Variants in ERCC5 observed in about 807,000 individuals in gnomAD.
ERCC5 encodes the protein ERCC excision repair 5, endonuclease, also known as DNA excision repair protein ERCC-5.
In ERCC5, 68 loss-of-function variants were observed where a neutral mutation model predicts 105.6. The ratio of observed to expected loss-of-function variants is 0.64; its 90% CI spans 0.53 to 0.79. The LOEUF is 0.79. ERCC5 is among the 30% of genes least tolerant of loss of function. The pLI is 0.00. For synonymous variants in ERCC5, 546 were observed against 526.2 expected (o/e 1.04, Z -0.51); for missense variants, 1,373 against 1,426.7 (o/e 0.96, Z 0.61).
chr13:102,858,493 A>C, intron 6 of ERCC5, 75 bp downstream of exon 6: 1 of 1,600,096 alleles, frequency 6.2e-7, no homozygotes, highest in Non-Finnish European at 8.6e-7. Flanking sequence ...AGAAGAGAAA[A>C]TTGATAAGCA....
At chr13:102,864,126 C>CCACAGACA (rs1032920813) in intron 8 of ERCC5, among the ~76,000 whole-genome samples, 22 of 140,976 alleles carry the variant, frequency 1.6e-4, no homozygotes, top group African/African-American at 5.9e-4. Context: ...AGAGAATCAA[C>CCACAGACA]CACACACACA....
At chr13:102,866,435 AAT>A in intron 10 of ERCC5, 54 bp downstream of exon 10, 5 of 1,613,546 alleles carry the variant, frequency 3.1e-6, no homozygotes, top group Non-Finnish European at 3.4e-6. Context: ...CCCCTGGGGG[AAT>A]GCACTGCATG....
At position 102,865,521 on chromosome 13, in the gene ERCC5, G is replaced by T. The variant is rs925289136; in HGVS notation, c.1955-146G>T. 2 of 1,091,592 alleles carry T rather than the reference G, an allele frequency of 1.8e-6. No homozygotes were observed. Among genetic ancestry groups the T allele is most frequent in the Non-Finnish European group, 1.3e-6 (1 of 761,280 alleles). 67.6% of individuals were successfully genotyped at this position (1,091,592 alleles called of 1,614,324 possible). A position where few individuals can be genotyped will look rare whatever the true frequency, so the allele number is the denominator to read the frequency against. On this transcript the variant is annotated intron_variant, in intron 8 of 14. Transcript: ENST00000652225. The surrounding 1 kb of genome is among the most constrained non-coding windows in gnomAD (Gnocchi z 4.0). ...GTGATTACATTTATTTATTAATAAC[G>T]CTACTATTACATGTATTCTGTTATA...
At chr13:102,871,060 G>A (rs1463793357) in intron 12 of ERCC5, among the ~76,000 whole-genome samples, 1 of 152,202 alleles carries the variant, frequency 6.6e-6, no homozygotes, top group African/African-American at 2.4e-5. Context: ...GCCTGGTGGG[G>A]GTGTCTTGTC....
At chr13:102,853,993 A>G in intron 3 of ERCC5, 121 bp downstream of exon 3, 2 of 944,780 alleles carry the variant, frequency 2.1e-6, no homozygotes, top group Non-Finnish European at 3.2e-6. Context: ...AGAGAGTGAA[A>G]TGAGACAAGT....
In ERCC5 at chr13:102,865,897, C is replaced by A; in HGVS notation, c.2185C>A (p.Gln729Lys). The A allele has an allele frequency of 6.2e-7, 1 of 1,614,146 alleles. No homozygotes were observed. Among genetic ancestry groups the A allele is most frequent in the Non-Finnish European group, 8.5e-7 (1 of 1,180,038 alleles). The part of the protein sequence containing the change: ...KDAEDSLHEW[Q>K]DINLEELETL... ...TGCGGAAGATTCGCTCCATGAATGG[C>A]AAGATATTAATTTGGTAATACCGTA... is the stretch of plus-strand genomic sequence containing the variant. Residue 729 changes from glutamine to lysine, a missense_variant, in exon 9 of 15, where the codon CAA (glutamine) becomes AAA (lysine). Transcript: ENST00000652225. This position sits in a 1 kb window ranked among gnomAD's most constrained non-coding sequence, Gnocchi z 4.0.
intron 6 of ERCC5, among the ~76,000 whole-genome samples, chr13:102,860,860 C>T (rs1412017798): frequency 3.9e-5 from 6 of 152,166 alleles, no homozygotes; most frequent in Non-Finnish European, 8.8e-5. Flanking sequence ...CAGGACACTT[C>T]ACTTGCATAT....
chr13:102,849,299 C>T (rs144607821), intron 1 of ERCC5: 1 of 518,484 alleles, frequency 1.9e-6, no homozygotes, highest in African/African-American at 1.9e-5. Flanking sequence ...ATCTGTTCTT[C>T]ACATGTTCAT....
In ERCC5 at chr13:102,862,144, A is replaced by G; in HGVS notation, c.995A>G (p.Glu332Gly). The G allele has an allele frequency of 6.2e-7, 1 of 1,614,232 alleles. No homozygotes were observed. Among genetic ancestry groups the G allele is most frequent in the Middle Eastern group, 1.6e-4 (1 of 6,062 alleles). The change falls in exon 8 of 15, where the codon GAG (glutamate) becomes GGG (glycine). Residue 332 changes from glutamate (E) to glycine (G), a missense_variant. Physicochemically the swap from Glu to Gly is moderately conservative, Grantham distance 98. Transcript: ENST00000652225. ...KSSPCEKLKT[E>G]KEPDATPPSP... is the part of the protein sequence containing the mutation. ...TCTCCATGTGAAAAACTGAAGACAGAGAAAGAGCCTGATGCTACCCCTCCT... is the reference window on the plus strand; with the variant it reads ...TCTCCATGTGAAAAACTGAAGACAGGGAAAGAGCCTGATGCTACCCCTCCT...
rs4150292 is a variant in ERCC5, at chr13:102,857,422, A to C, written c.529-853A>C. Among the ~76,000 whole-genome samples the C allele has an allele frequency of 2.6e-3, 403 of 152,290 alleles. 2 individuals carry two copies. The highest frequency in any genetic ancestry group is 9.2e-3 in the African/African-American group (384 of 41,560). On this transcript the variant is annotated intron_variant, in intron 5 of 14. Transcript: ENST00000652225. ...TCCTGATGGGGGTGATGGGAGCATT[A>C]GTGAGGGAAAGCACAGGAAATGCTG...
intron 6 of ERCC5, chr13:102,858,764 G>A: frequency 2.4e-6 from 1 of 409,108 alleles, no homozygotes; most frequent in South Asian, 1.9e-5. Context: ...TTTTCACATG[G>A]TATGTGTCCA....
chr13:102,846,129 G>A lies in ERCC5; in HGVS notation c.-138G>A. On this transcript the variant is annotated 5_prime_UTR_variant, in exon 1 of 15. Transcript: ENST00000652225. ...GTGCCGTCCCCCACTGGAAAACCGT[G>A]GCTTCTGTATTATTTGCCATCTTTG... 1.5e-6 allele frequency: 1 copy of A among 673,002 alleles called. No individual in the cohort carries two copies. Among genetic ancestry groups the A allele is most frequent in the Non-Finnish European group, 2.6e-6 (1 of 384,270 alleles). The allele number at this position is 673,002 out of a possible 1,614,324, so 41.7% of individuals were successfully genotyped here. A position where few individuals can be genotyped will look rare whatever the true frequency, so the allele number is the denominator to read the frequency against.
intron 6 of ERCC5, among the ~76,000 whole-genome samples, chr13:102,861,135 C>T (rs1218719556): frequency 6.6e-6 from 1 of 151,922 alleles, no homozygotes; most frequent in Non-Finnish European, 1.5e-5. Context: ...ATTACAGGTG[C>T]CTGCCATCAC....
At chr13:102,847,668 TTTTTGTTTTG>T (rs748983939) in intron 1 of ERCC5, among the ~76,000 whole-genome samples, 1 of 152,086 alleles carries the variant, frequency 6.6e-6, no homozygotes, top group Non-Finnish European at 1.5e-5. Context: ...AGCCAAAGGA[TTTTTGTTTTG>T]TTTTGTTTTG....
intron 14 of ERCC5, among the ~76,000 whole-genome samples, chr13:102,874,045 G>A (rs1168867315): frequency 6.6e-6 from 1 of 152,152 alleles, no homozygotes; most frequent in East Asian, 1.9e-4. Context: ...GCATTTCTAT[G>A]AGTTTCTCTT....
At position 102,865,273 on chromosome 13, in the gene ERCC5, G is replaced by GC; in HGVS notation, c.1955-393dup. Reference sequence around the variant, plus strand: ...GAGGAAGAACTATTTCTTAGTCACAGCTTTATTCTGTGCTGTGTAAATAGC... The same window carrying GC: ...GAGGAAGAACTATTTCTTAGTCACAGCCTTTATTCTGTGCTGTGTAAATAGC... On this transcript the variant is annotated intron_variant, in intron 8 of 14. Transcript: ENST00000652225. The surrounding 1 kb of genome is among the most constrained non-coding windows in gnomAD (Gnocchi z 4.0). The GC allele has an allele frequency of 3.6e-6, 1 of 275,754 alleles. No individual in the cohort carries two copies. Among genetic ancestry groups the GC allele is most frequent in the Non-Finnish European group, 7.0e-6 (1 of 142,006 alleles). The allele number at this position is 275,754 out of a possible 1,614,324, so 17.1% of individuals were successfully genotyped here. A position where few individuals can be genotyped will look rare whatever the true frequency, so the allele number is the denominator to read the frequency against.
rs1369372096 is a variant in ERCC5 at position 102,872,293 on chromosome 13, C to T, written c.2774C>T (p.Pro925Leu). The change falls in exon 13 of 15, where the codon CCT (proline) becomes CTT (leucine). Residue 925 changes from proline (P) to leucine (L), a missense_variant. Pro to Leu is a moderately conservative substitution (Grantham distance 98). This residue lies in a region of ERCC5 where 367 missense variants were observed against 350.2 expected (regional missense o/e 1.05). Transcript: ENST00000652225. ...AAATTACGGACATTGCAACTCACCCCTGGCTTTCCTAACCCAGCTGTTGCC... is the reference window on the plus strand; with the variant it reads ...AAATTACGGACATTGCAACTCACCCTTGGCTTTCCTAACCCAGCTGTTGCC... ...KKKLRTLQLT[P>L]GFPNPAVAEA... is the part of the protein sequence containing the mutation. 2 of 1,614,200 alleles carry T rather than the reference C, an allele frequency of 1.2e-6. No homozygotes were observed. Among genetic ancestry groups the T allele is most frequent in the South Asian group, 1.1e-5 (1 of 91,082 alleles).
chr13:102,870,768 C>T (rs1420103958), intron 12 of ERCC5, among the ~76,000 whole-genome samples: 1 of 152,200 alleles, frequency 6.6e-6, no homozygotes, highest in Non-Finnish European at 1.5e-5. Context: ...ACTCCTGCAT[C>T]GGTGAGGCGG....
intron 3 of ERCC5, 104 bp downstream of exon 3, chr13:102,853,976 A>G: frequency 1.8e-6 from 2 of 1,120,680 alleles, no homozygotes; most frequent in Non-Finnish European, 1.3e-6. Context: ...GACTCTCAAC[A>G]GAAAATAGAG....
Sources: gnomAD v4.1 joint callset for allele counts (sites outside exome capture counted in the v4.1 genomes callset) on GRCh38, gnomAD v4.1.1 for gene constraint, gnomAD v4.1.1 regional missense constraint, Gnocchi (gnomAD v3.1) non-coding constraint, MANE v1.5 for transcripts, NCBI Gene and HGNC (gene_info 2026-07-23, HGNC 2026-07-21) for gene names.